RIOK1: variants seen among roughly 807,000 people sequenced by gnomAD.
RIOK1 encodes the protein serine/threonine-protein kinase RIO1.
In RIOK1, 66 loss-of-function variants were observed where a neutral mutation model predicts 73.5. The ratio of observed to expected loss-of-function variants is 0.90; its 90% CI spans 0.74 to 1.10. RIOK1 has a LOEUF of 1.10. Among genes scored for constraint, RIOK1 ranks in the 50% least tolerant of loss-of-function variants. RIOK1 has a pLI of 0.00. For synonymous variants in RIOK1, 224 were observed against 226.8 expected, an observed-to-expected ratio of 0.99 and a Z score of 0.11; for missense variants, 658 against 699.8, an observed-to-expected ratio of 0.94 and a Z score of 0.67.
intron 12 of RIOK1, among the ~76,000 whole-genome samples, chr6:7,409,274 A>G (rs1224743206): frequency 7.0e-6 from 1 of 142,084 alleles, no homozygotes. Flanking sequence ...TGTGTGTTTG[A>G]GATGGAGTCT....
At chr6:7,407,487 C>CT (rs759245691) in intron 12 of RIOK1, among the ~76,000 whole-genome samples, 2,953 of 140,264 alleles carry the variant, frequency 0.021, 93 homozygotes, top group African/African-American at 0.068. Context: ...GGAGAAATGT[C>CT]TTTTTTTTTT....
intron 4 of RIOK1, among the ~76,000 whole-genome samples, chr6:7,398,305 T>G (rs1761528011): frequency 6.6e-6 from 1 of 151,582 alleles, no homozygotes; most frequent in African/African-American, 2.4e-5. Context: ...TAAGATGCTG[T>G]CTCTTTAAAA....
intron 3 of RIOK1, among the ~76,000 whole-genome samples, chr6:7,395,543 A>G (rs1353329865): frequency 6.6e-6 from 1 of 151,924 alleles, no homozygotes; most frequent in Non-Finnish European, 1.5e-5. Context: ...AAAGGAATGA[A>G]TGTATTCAAG....
At chr6:7,403,909 C>T in intron 8 of RIOK1, 32 bp from the exon 9 acceptor site, 1 of 1,517,628 alleles carries the variant, frequency 6.6e-7, no homozygotes, top group Non-Finnish European at 9.1e-7. Flanking sequence ...TTCAACTTTT[C>T]AGTTGTCCTT....
rs1485739781 is a variant in RIOK1 at position 7,410,282 on chromosome 6, G to T, written c.1204-104G>T. ...TAAATGCTTTCCTAAGTGTGAGGAG[G>T]TGATACTTAAAAAGACTGGAACAAT... On this transcript the variant is annotated intron_variant, in intron 12 of 16. Transcript: ENST00000379834. 1.7e-5 allele frequency: 13 copies of T among 749,114 alleles called. No homozygotes were observed. In the South Asian group the frequency reaches 2.1e-4, roughly 12 times the overall value. The allele number at this position is 749,114 out of a possible 1,614,324, so 46.4% of individuals were successfully genotyped here.
intron 13 of RIOK1, 56 bp from the exon 14 acceptor site, chr6:7,411,276 G>A: frequency 2.5e-6 from 4 of 1,590,738 alleles, no homozygotes; most frequent in Non-Finnish European, 3.4e-6. Flanking sequence ...AGTATGCTGT[G>A]TGAATGTGAG....
intron 3 of RIOK1, among the ~76,000 whole-genome samples, 194 bp from the exon 4 acceptor site, chr6:7,396,509 A>T (rs1046110187): frequency 1.3e-5 from 2 of 152,140 alleles, no homozygotes; most frequent in Non-Finnish European, 2.9e-5. Flanking sequence ...AGTGACACTT[A>T]CGAAGGAAAC....
rs1218846944 is a variant in RIOK1 at position 7,402,646 on chromosome 6, C to G, written c.617C>G (p.Ala206Gly). The G allele has an allele frequency of 6.2e-7, 1 of 1,612,254 alleles. No individual in the cohort carries two copies. Among genetic ancestry groups the G allele is most frequent in the African/African-American group, 1.3e-5 (1 of 74,788 alleles). The change falls in exon 7 of 17, where the codon GCA becomes GGA. Residue 206 changes from alanine (A) to glycine (G), a missense_variant. Transcript: ENST00000379834. ...AGCACAGCAAATGGAGAGAGCAGAGCAATCAAAATTTATAAAACTTCTATT... is the reference window on the plus strand; with the variant it reads ...AGCACAGCAAATGGAGAGAGCAGAGGAATCAAAATTTATAAAACTTCTATT... The part of the protein sequence containing the change: ...HASTANGESR[A>G]IKIYKTSILV...
chr6:7,402,392 A>G (rs1761633890), intron 6 of RIOK1, among the ~76,000 whole-genome samples: 1 of 152,186 alleles, frequency 6.6e-6, no homozygotes, highest in South Asian at 2.1e-4. Context: ...CTAAAACGTT[A>G]TGTGGCACGT....
chr6:7,407,669 C>A (rs1025316324), intron 12 of RIOK1, among the ~76,000 whole-genome samples: 1 of 150,934 alleles, frequency 6.6e-6, no homozygotes, highest in Non-Finnish European at 1.5e-5. Context: ...TTTTCTTTTT[C>A]ATTTTGTTGG....
chr6:7,393,218 A>T lies in RIOK1; in HGVS notation c.191A>T (p.Asp64Val), dbSNP rs1451271649. 5.6e-6 allele frequency: 8 copies of T among 1,441,366 alleles called. No homozygotes were observed. Among genetic ancestry groups the T allele is most frequent in the Non-Finnish European group, 6.6e-6 (7 of 1,061,860 alleles). 89.3% of individuals were successfully genotyped at this position (1,441,366 alleles called of 1,614,324 possible). A position where few individuals can be genotyped will look rare whatever the true frequency, so the allele number is the denominator to read the frequency against. The change falls in exon 2 of 17, where the codon GAC (aspartate) becomes GTC (valine). Residue 64 changes from aspartate to valine, a missense_variant. By Grantham distance (152) the Asp-to-Val change is radical. Transcript: ENST00000379834. ...GAAGATGAGGAGGAGGAGGGTTATG[A>T]CGATGATGATGATGACTGGGACTGG... Reference protein sequence around the residue: ...EIEDEEEEGYDDDDDDWDWDE... With the variant: ...EIEDEEEEGYVDDDDDWDWDE...
rs770991252 is a variant in RIOK1 at position 7,396,694 on chromosome 6, G to C, written c.368-9G>C. 2.5e-6 allele frequency: 4 copies of C among 1,572,702 alleles called. No individual in the cohort carries two copies. Among genetic ancestry groups the C allele is most frequent in the Non-Finnish European group, 2.6e-6 (3 of 1,146,520 alleles). ...ATATTGTTTACATTGTGGGTTTCTT[G>C]TATTTTAGATAAGCTAAATGTTACT... On this transcript the variant is annotated splice_polypyrimidine_tract_variant and intron_variant, in intron 3 of 16. Transcript: ENST00000379834.
intron 15 of RIOK1, 22 bp from the exon 16 acceptor site, chr6:7,414,216 A>G (rs1581724669): frequency 6.3e-7 from 1 of 1,594,454 alleles, no homozygotes. Context: ...TTAGAATAAC[A>G]TGGTTCTTTA....
chr6:7,405,118 T>A, intron 11 of RIOK1, 97 bp downstream of exon 11: 2 of 1,158,810 alleles, frequency 1.7e-6, no homozygotes, highest in Non-Finnish European at 2.5e-6. Context: ...CTAAATTGTT[T>A]GGTGCAGTGA....
Position 7,391,957 on chromosome 6 carries a change from A to G in RIOK1, c.72-1142A>G, listed in dbSNP as rs187928781. Among the ~76,000 whole-genome samples the G allele has an allele frequency of 2.0e-3, 301 of 152,250 alleles. 1 individual carries two copies. The highest frequency in any genetic ancestry group is 2.9e-3 in the Non-Finnish European group (199 of 68,018). ...GAACCCTCAGAGCCATGGCTAATTA[A>G]TAAATTGGGATTGATAATCTGAATT... On this transcript the variant is annotated intron_variant, in intron 1 of 16. Coordinates refer to ENST00000379834, the MANE Select transcript of RIOK1 (RefSeq NM_031480.3).
Position 7,396,433 on chromosome 6 carries a change from T to A in RIOK1, c.368-270T>A, listed in dbSNP as rs983075785. Among the ~76,000 whole-genome samples the A allele has an allele frequency of 4.6e-5, 7 of 152,244 alleles. No homozygotes were observed. In the South Asian group the frequency reaches 6.2e-4, roughly 13 times the overall value. On this transcript the variant is annotated intron_variant, in intron 3 of 16. Coordinates refer to ENST00000379834, the MANE Select transcript of RIOK1 (RefSeq NM_031480.3). Reference sequence around the variant, plus strand: ...AGTGTCTGAAATTTATTATGCAAATTATTATCTTTGAAGAATTTCTGCATC... The same window carrying A: ...AGTGTCTGAAATTTATTATGCAAATAATTATCTTTGAAGAATTTCTGCATC...
At position 7,417,439 on chromosome 6, in the gene RIOK1, T is replaced by C. The variant is rs769275570; in HGVS notation, c.1705T>C (p.Ter569GlnextTer31). 1.1e-5 allele frequency: 16 copies of C among 1,518,794 alleles called. No homozygotes were observed. Among genetic ancestry groups the C allele is most frequent in the Non-Finnish European group, 1.3e-5 (15 of 1,124,180 alleles). 94.1% of individuals were successfully genotyped at this position (1,518,794 alleles called of 1,614,324 possible). A position where few individuals can be genotyped will look rare whatever the true frequency, so the allele number is the denominator to read the frequency against. Residue 569 changes from the stop codon to glutamine (Q), a stop_lost, in exon 17 of 17, where the codon TAG becomes CAG. Coordinates refer to ENST00000379834, the MANE Select transcript of RIOK1 (RefSeq NM_031480.3). ...GACAGCCAAGACGAAAAAAGGCAAATAGAATGAGAACCATATTATGTACAG... is the reference window on the plus strand; with the variant it reads ...GACAGCCAAGACGAAAAAAGGCAAACAGAATGAGAACCATATTATGTACAG... The part of the protein sequence containing the change: ...EKTAKTKKGK[*>Q]
At chr6:7,402,334 T>C (rs999513416) in intron 6 of RIOK1, among the ~76,000 whole-genome samples, 6 of 152,254 alleles carry the variant, frequency 3.9e-5, no homozygotes, top group African/African-American at 1.4e-4. Flanking sequence ...ATACCTGTTA[T>C]AGTCTTACGG....
chr6:7,396,615 G>A, intron 3 of RIOK1, 88 bp from the exon 4 acceptor site: 3 of 691,984 alleles, frequency 4.3e-6, no homozygotes, highest in South Asian at 3.7e-5. Flanking sequence ...AGAAGAGAAG[G>A]AAGAGGGGAG....
Sources: gnomAD v4.1 joint callset for allele counts (sites outside exome capture counted in the v4.1 genomes callset) on GRCh38, gnomAD v4.1.1 for gene constraint, MANE v1.5 for transcripts, NCBI Gene and HGNC (gene_info 2026-07-23, HGNC 2026-07-21) for gene names.